C1orf21: variants seen among roughly 807,000 people sequenced by gnomAD.
The protein encoded by C1orf21 is chromosome 1 open reading frame 21, also known as uncharacterized protein C1orf21.
In C1orf21, 3 loss-of-function variants were observed where a neutral mutation model predicts 18.7. The ratio of observed to expected loss-of-function variants is 0.16; its 90% CI spans 0.07 to 0.42. The LOEUF is 0.42. Ranked by LOEUF, C1orf21 falls within the 10% of genes least tolerant of loss-of-function variation. C1orf21 has a pLI of 0.99. For synonymous variants in C1orf21, 41 were observed against 46.4 expected (o/e 0.88, Z 0.47); for missense variants, 104 against 143.6 (o/e 0.72, Z 1.41).
intron 2 of C1orf21, among the ~76,000 whole-genome samples, chr1:184,499,449 A>T (rs749354919): frequency 2.0e-5 from 3 of 152,194 alleles, no homozygotes; most frequent in Non-Finnish European, 4.4e-5. Context: ...TAAGTAGCAC[A>T]GGGCTGGTAT....
intron 2 of C1orf21, among the ~76,000 whole-genome samples, chr1:184,505,949 A>G (rs1314444037): frequency 2.0e-5 from 3 of 151,528 alleles, no homozygotes; most frequent in African/African-American, 7.3e-5. Flanking sequence ...TTAATTAGCA[A>G]TTGTTTTTCC....
intron 3 of C1orf21, among the ~76,000 whole-genome samples, chr1:184,509,573 C>A (rs1196541006): frequency 6.6e-6 from 1 of 152,046 alleles, no homozygotes; most frequent in Admixed American, 6.6e-5. Context: ...TCTTTGTTAC[C>A]TACTCCATCC....
At chr1:184,531,935 T>C (rs1466838904) in intron 3 of C1orf21, among the ~76,000 whole-genome samples, 1 of 152,208 alleles carries the variant, frequency 6.6e-6, no homozygotes, top group Non-Finnish European at 1.5e-5. Flanking sequence ...ATTCTTAGAA[T>C]TTTGTGCCTC....
chr1:184,479,613 CTTTTTTTTTTT>C (rs55840285), intron 2 of C1orf21, among the ~76,000 whole-genome samples: 4 of 62,214 alleles, frequency 6.4e-5, no homozygotes, highest in Admixed American at 2.1e-4. Context: ...TCCCATAGGT[CTTTTTTTTTTT>C]TTTTTTTTTT....
intron 1 of C1orf21, among the ~76,000 whole-genome samples, chr1:184,448,156 T>A (rs1304039022): frequency 6.6e-6 from 1 of 152,206 alleles, no homozygotes; most frequent in African/African-American, 2.4e-5. Context: ...GGATCTTGGC[T>A]CACTGTAGCC....
chr1:184,601,910 A>C (rs1284022834), intron 5 of C1orf21, among the ~76,000 whole-genome samples: 2 of 152,082 alleles, frequency 1.3e-5, no homozygotes, highest in Admixed American at 1.3e-4. Flanking sequence ...CAAAAAAAAA[A>C]ATAATAAAAT....
intron 2 of C1orf21, among the ~76,000 whole-genome samples, chr1:184,484,391 A>G (rs940184600): frequency 6.6e-5 from 10 of 152,154 alleles, no homozygotes; most frequent in African/African-American, 2.2e-4. Flanking sequence ...TTCCAAATAT[A>G]AACTTTTATA....
chr1:184,510,977 A>C (rs1184842496), intron 3 of C1orf21, among the ~76,000 whole-genome samples: 3 of 152,198 alleles, frequency 2.0e-5, no homozygotes, highest in Non-Finnish European at 4.4e-5. Flanking sequence ...GTAGAAGCAC[A>C]AGATTTGACA....
chr1:184,469,786 T>C (rs1271418714), intron 1 of C1orf21, among the ~76,000 whole-genome samples: 2 of 152,242 alleles, frequency 1.3e-5, no homozygotes, highest in South Asian at 2.1e-4. Flanking sequence ...TTTAATTAGC[T>C]TGAAATATCT....
At chr1:184,559,427 T>G (rs564554098) in intron 3 of C1orf21, among the ~76,000 whole-genome samples, 1 of 151,004 alleles carries the variant, frequency 6.6e-6, no homozygotes, top group East Asian at 2.0e-4. Flanking sequence ...ATTAAACCAC[T>G]TTTTAAATAA....
chr1:184,466,152 G>C (rs192577573), intron 1 of C1orf21, among the ~76,000 whole-genome samples: 61 of 152,324 alleles, frequency 4.0e-4, no homozygotes, highest in African/African-American at 1.3e-3. Context: ...TCATTTGTGA[G>C]GTCCTAATAG....
chr1:184,607,673 A>G lies in C1orf21; in HGVS notation c.327+9212A>G, dbSNP rs185864304. ...TGTATATATACATATATATGTGTGT[A>G]TATATATACATATATGTGTGTGTAT... On this transcript the variant is annotated intron_variant, in intron 5 of 5. Coordinates refer to ENST00000235307, the MANE Select transcript of C1orf21 (RefSeq NM_030806.4). Among the ~76,000 whole-genome samples the G allele has an allele frequency of 1.6e-3, 241 of 149,706 alleles. 3 individuals are homozygous for G. The highest frequency in any genetic ancestry group is 5.1e-3 in the African/African-American group (210 of 41,186).
chr1:184,450,169 C>T (rs1316017336), intron 1 of C1orf21, among the ~76,000 whole-genome samples: 1 of 152,046 alleles, frequency 6.6e-6, no homozygotes, highest in East Asian at 1.9e-4. Flanking sequence ...AGAGTGCTTG[C>T]ATGAAGGGCT....
In C1orf21 at chr1:184,505,383, T is replaced by C. The variant is rs76899598; in HGVS notation, c.95-2205T>C. ...ATATAGACATGTATATATTCACCTA[T>C]ATATATTTATATCAGTGTTCTGTGT... On this transcript the variant is annotated intron_variant, in intron 2 of 5. Transcript: ENST00000235307. 4.7e-4 allele frequency among the ~76,000 whole-genome samples: 69 copies of C among 147,314 alleles called. No individual in the cohort carries two copies. The East Asian group carries it at 0.013, about 28-fold the overall frequency.
At chr1:184,557,492 C>T (rs192488608) in intron 3 of C1orf21, among the ~76,000 whole-genome samples, 208 of 152,278 alleles carry the variant, frequency 1.4e-3, no homozygotes, top group African/African-American at 4.7e-3. Flanking sequence ...TGAGTGAGAA[C>T]GTACAATGTT....
At chr1:184,599,777 T>G (rs543252606) in intron 5 of C1orf21, among the ~76,000 whole-genome samples, 1 of 152,306 alleles carries the variant, frequency 6.6e-6, no homozygotes, top group East Asian at 1.9e-4. Flanking sequence ...TAAGTATCCC[T>G]AAATCGAAAT....
intron 1 of C1orf21, among the ~76,000 whole-genome samples, chr1:184,429,331 A>G (rs544285951): frequency 1.2e-4 from 18 of 152,226 alleles, no homozygotes; most frequent in African/African-American, 3.9e-4. Flanking sequence ...TTACCCCCAC[A>G]TGGGTAACTG....
At chr1:184,587,332 T>C (rs1228559981) in intron 3 of C1orf21, among the ~76,000 whole-genome samples, 2 of 151,204 alleles carry the variant, frequency 1.3e-5, no homozygotes, top group African/African-American at 4.9e-5. Flanking sequence ...GTGAAGACAT[T>C]GGTAGTTTAA....
chr1:184,478,182 C>T (rs1034614332), intron 2 of C1orf21, among the ~76,000 whole-genome samples: 2 of 151,246 alleles, frequency 1.3e-5, no homozygotes, highest in African/African-American at 2.4e-5. Context: ...AAACAGAAGT[C>T]CAAAAGGGGA....
Sources: gnomAD v4.1 joint callset for allele counts (sites outside exome capture counted in the v4.1 genomes callset) on GRCh38, gnomAD v4.1.1 for gene constraint, MANE v1.5 for transcripts, NCBI Gene and HGNC (gene_info 2026-07-23, HGNC 2026-07-21) for gene names.